The following C5orf63 variants were observed in gnomAD, a reference collection of about 807,000 sequenced individuals.
The protein encoded by C5orf63 is chromosome 5 open reading frame 63.
A neutral mutation model predicts 13.3 loss-of-function variants in C5orf63; 18 were observed. The ratio of observed to expected loss-of-function variants is 1.36; its 90% CI spans 0.94 to 2.01. The LOEUF (loss-of-function observed/expected upper bound fraction) is 2.01. Ranked by LOEUF, C5orf63 falls within the 30% of genes most tolerant of loss-of-function variation. The probability of loss-of-function intolerance (pLI) is 0.00; values close to 1 mark genes in which losing one functional copy is unlikely to be tolerated. For missense variants in C5orf63, 118 were observed against 127.7 expected, an observed-to-expected ratio of 0.92 and a Z score of 0.36; for synonymous variants, 38 against 44.7, an observed-to-expected ratio of 0.85 and a Z score of 0.60.
Position 127,053,405 on chromosome 5 carries a change from A to G in C5orf63, c.115-736T>C, listed in dbSNP as rs1753759418. Among the ~76,000 whole-genome samples the G allele has an allele frequency of 2.0e-5, 3 of 151,138 alleles. No individual in the cohort carries two copies. The South Asian group carries it at 6.3e-4, about 32-fold the overall frequency. On this transcript the variant is annotated intron_variant, in intron 3 of 4. Transcript: ENST00000296662. ...TTCCCACTTTCTCCTATATTTTGTTATTATACTTTTATTATATATGTTATA... is the reference window on the plus strand; with the variant it reads ...TTCCCACTTTCTCCTATATTTTGTTGTTATACTTTTATTATATATGTTATA...
At chr5:127,056,785 C>T (rs1471848530) in intron 3 of C5orf63, among the ~76,000 whole-genome samples, 1 of 152,188 alleles carries the variant, frequency 6.6e-6, no homozygotes, top group African/African-American at 2.4e-5. Context: ...AGAGCAACTC[C>T]AAAATCTTTT....
At chr5:127,072,544 G>A (rs1359413126) in intron 1 of C5orf63, among the ~76,000 whole-genome samples, 1 of 152,178 alleles carries the variant, frequency 6.6e-6, no homozygotes, top group African/African-American at 2.4e-5. Context: ...TCTGGGAAAT[G>A]CGCTAGAAAG....
At position 127,052,600 on chromosome 5, in the gene C5orf63, T is replaced by C; in HGVS notation, c.171+13A>G. The C allele has an allele frequency of 6.9e-7, 1 of 1,455,282 alleles. No individual in the cohort carries two copies. Among genetic ancestry groups the C allele is most frequent in the Non-Finnish European group, 9.0e-7 (1 of 1,110,956 alleles). The allele number at this position is 1,455,282 out of a possible 1,614,324, so 90.1% of individuals were successfully genotyped here. A position where few individuals can be genotyped will look rare whatever the true frequency, so the allele number is the denominator to read the frequency against. On this transcript the variant is annotated intron_variant, in intron 4 of 4. Coordinates refer to ENST00000296662, the MANE Select transcript of C5orf63 (RefSeq NM_001164478.2). Reference sequence around the variant, plus strand: ...CAATCCATATACATAAAAGCCACACTGTATTATATTACCCTGTTTTCATAA... The same window carrying C: ...CAATCCATATACATAAAAGCCACACCGTATTATATTACCCTGTTTTCATAA...
chr5:127,054,439 G>A (rs1174413603), intron 3 of C5orf63, among the ~76,000 whole-genome samples: 1 of 152,162 alleles, frequency 6.6e-6, no homozygotes, highest in African/African-American at 2.4e-5. Context: ...TAACTGGTGT[G>A]AGATGGTATC....
At chr5:127,054,812 A>T (rs1478168609) in intron 3 of C5orf63, among the ~76,000 whole-genome samples, 1 of 152,192 alleles carries the variant, frequency 6.6e-6, no homozygotes, top group Non-Finnish European at 1.5e-5. Flanking sequence ...GTCCTTGCCC[A>T]TGCCTATGTC....
At chr5:127,059,841 G>A (rs563458499) in intron 2 of C5orf63, among the ~76,000 whole-genome samples, 1 of 152,012 alleles carries the variant, frequency 6.6e-6, no homozygotes, top group South Asian at 2.1e-4. Flanking sequence ...TCTCCACTGT[G>A]AGACATAAGA....
Position 127,054,707 on chromosome 5 carries a change from G to A in C5orf63, c.115-2038C>T, listed in dbSNP as rs1214910533. On this transcript the variant is annotated intron_variant, in intron 3 of 4. Transcript: ENST00000296662. Reference sequence around the variant, plus strand: ...AGGTTGTCTGTTCACTCTGATGGTAGTTTCTTTTGCTGTGCAGAAGCTCTT... The same window carrying A: ...AGGTTGTCTGTTCACTCTGATGGTAATTTCTTTTGCTGTGCAGAAGCTCTT... Among the ~76,000 whole-genome samples the A allele has an allele frequency of 2.0e-5, 3 of 152,260 alleles. No homozygotes were observed. The South Asian group carries it at 6.2e-4, about 32-fold the overall frequency.
exon 5 of C5orf63, chr5:127,045,798 C>T (rs1359547049): frequency 6.6e-6 from 1 of 152,204 alleles, no homozygotes; most frequent in Non-Finnish European, 1.5e-5. Context: ...TTGTCTGTCT[C>T]TCCCTTAAAA....
At chr5:127,048,062 A>G (rs2126878245), downstream of C5orf63, 1 of 560,090 alleles carries the variant, frequency 1.8e-6, no homozygotes, top group Non-Finnish European at 3.2e-6. Flanking sequence ...AGACTGTACC[A>G]ATTACTGGCG....
chr5:127,071,347 A>T (rs1754532738), intron 2 of C5orf63, among the ~76,000 whole-genome samples: 1 of 152,222 alleles, frequency 6.6e-6, no homozygotes, highest in South Asian at 2.1e-4. Flanking sequence ...ATATCTAGGA[A>T]CTTTAACTTT....
At chr5:127,056,173 T>C (rs904543410) in intron 3 of C5orf63, among the ~76,000 whole-genome samples, 1 of 152,134 alleles carries the variant, frequency 6.6e-6, no homozygotes, top group Non-Finnish European at 1.5e-5. Context: ...AAACCTGACT[T>C]AGGCTCAGGC....
chr5:127,059,198 A>G (rs1415936946), intron 2 of C5orf63, among the ~76,000 whole-genome samples, 196 bp from the exon 3 acceptor site: 3 of 152,202 alleles, frequency 2.0e-5, no homozygotes, highest in East Asian at 1.9e-4. Flanking sequence ...CGAACGAAAC[A>G]GAATTTAGAA....
chr5:127,070,296 C>G (rs1007262014), intron 2 of C5orf63, among the ~76,000 whole-genome samples: 1 of 152,064 alleles, frequency 6.6e-6, no homozygotes, highest in Admixed American at 6.5e-5. Context: ...TTTTAAGAAA[C>G]AAAGAGTTTT....
Position 127,051,391 on chromosome 5 carries a change from C to A in C5orf63, c.*380G>T. ...TCTACTGAGTGGAAGAGCATTTATTCTTTCATTAAAAAGTTAAGCCCTCCG... is the reference window on the plus strand; with the variant it reads ...TCTACTGAGTGGAAGAGCATTTATTATTTCATTAAAAAGTTAAGCCCTCCG... On this transcript the variant is annotated 3_prime_UTR_variant, in exon 5 of 5. Transcript: ENST00000296662. 8.1e-7 allele frequency: 1 copy of A among 1,232,492 alleles called. No homozygotes were observed. The highest frequency in any genetic ancestry group is 1.0e-6 in the Non-Finnish European group (1 of 988,406). The allele number at this position is 1,232,492 out of a possible 1,614,324, so 76.3% of individuals were successfully genotyped here.
intron 4 of C5orf63, 141 bp from the exon 5 acceptor site, chr5:127,052,088 T>C (rs1264694990): frequency 9.3e-6 from 6 of 642,298 alleles, no homozygotes; most frequent in Non-Finnish European, 1.4e-5. Flanking sequence ...AGTGATCTAA[T>C]GTCCCTGATT....
At chr5:127,062,320 T>C (rs1754138931) in intron 2 of C5orf63, among the ~76,000 whole-genome samples, 1 of 152,238 alleles carries the variant, frequency 6.6e-6, no homozygotes, top group Admixed American at 6.5e-5. Context: ...TCTAGTTTTT[T>C]ACACATTTTA....
Position 127,052,681 on chromosome 5 carries a change from A to G in C5orf63, c.115-12T>C, listed in dbSNP as rs1043867007. On this transcript the variant is annotated splice_polypyrimidine_tract_variant and intron_variant, in intron 3 of 4. Transcript: ENST00000296662. ...AGGGGGCATGGGTCCTACAGGAAGA[A>G]AAAAAACCCAAGCGATTAAACCCAA... is the stretch of plus-strand genomic sequence containing the variant. 2 of 1,478,666 alleles carry G rather than the reference A, an allele frequency of 1.4e-6. No homozygotes were observed. Among genetic ancestry groups the G allele is most frequent in the South Asian group, 2.7e-5 (2 of 73,362 alleles). 91.6% of individuals were successfully genotyped at this position (1,478,666 alleles called of 1,614,324 possible). A position where few individuals can be genotyped will look rare whatever the true frequency, so the allele number is the denominator to read the frequency against.
At chr5:127,067,093 A>C (rs2126899845) in intron 2 of C5orf63, among the ~76,000 whole-genome samples, 1 of 152,314 alleles carries the variant, frequency 6.6e-6, no homozygotes, top group Admixed American at 6.5e-5. Context: ...AACTACCTTA[A>C]GTGGTTCTTA....
chr5:127,061,896 C>T (rs1488815916), intron 2 of C5orf63, among the ~76,000 whole-genome samples: 2 of 152,138 alleles, frequency 1.3e-5, no homozygotes, highest in African/African-American at 2.4e-5. Context: ...TTAAAGGTCC[C>T]TGGAAATGAG....
Sources: gnomAD v4.1 joint callset for allele counts (sites outside exome capture counted in the v4.1 genomes callset) on GRCh38, gnomAD v4.1.1 for gene constraint, MANE v1.5 for transcripts, NCBI Gene and HGNC (gene_info 2026-07-23, HGNC 2026-07-21) for gene names.